DISC1: variants seen among roughly 807,000 people sequenced by gnomAD.
The protein encoded by DISC1 is DISC1 scaffold protein, also known as disrupted in schizophrenia 1 protein.
A neutral mutation model predicts 84.5 loss-of-function variants in DISC1; 57 were observed. The observed-to-expected ratio is 0.67, with a 90% CI of 0.55 to 0.84. The LOEUF is 0.84. DISC1 is among the 40% of genes least tolerant of loss of function. DISC1 has a pLI of 0.00. For missense variants in DISC1, 1,000 were observed against 1,057.8 expected, an observed-to-expected ratio of 0.95 and a Z score of 0.76; for synonymous variants, 411 against 415.2, an observed-to-expected ratio of 0.99 and a Z score of 0.12.
chr1:232,002,193 C>G (rs1418702607), intron 10 of DISC1, among the ~76,000 whole-genome samples: 16 of 151,626 alleles, frequency 1.1e-4, no homozygotes, highest in Admixed American at 1.1e-3. Flanking sequence ...ACACACCTCT[C>G]AGAATGGCAA....
intron 9 of DISC1, among the ~76,000 whole-genome samples, chr1:231,885,803 T>C (rs939628768): frequency 7.9e-5 from 12 of 152,194 alleles, no homozygotes; most frequent in African/African-American, 2.7e-4. Context: ...GAGAAAGAAC[T>C]GTGTGGAGCT....
chr1:231,801,519 G>T (rs1253086187), intron 8 of DISC1, among the ~76,000 whole-genome samples: 23 of 152,116 alleles, frequency 1.5e-4, no homozygotes, highest in Admixed American at 1.5e-3. Flanking sequence ...TTAGCTCTTT[G>T]GTCAGCTGAG....
rs1210699341 is a variant in DISC1, at chr1:231,703,937, T to TG, written c.1117+1919dup. On this transcript the variant is annotated intron_variant, in intron 3 of 12. Coordinates refer to ENST00000439617, the MANE Select transcript of DISC1 (RefSeq NM_018662.3). ...AGTTTATGCTAGTGAGCACTAGGCCTGGGGGGCAGCAGCCAGCCAAGCCCT... is the reference window on the plus strand; with the variant it reads ...AGTTTATGCTAGTGAGCACTAGGCCTGGGGGGGCAGCAGCCAGCCAAGCCCT... Among the ~76,000 whole-genome samples the TG allele has an allele frequency of 5.9e-5, 9 of 152,190 alleles. No homozygotes were observed. In the East Asian group the frequency reaches 1.7e-3, roughly 29 times the overall value.
chr1:231,982,916 T>C (rs886689872), intron 10 of DISC1, among the ~76,000 whole-genome samples: 3 of 152,122 alleles, frequency 2.0e-5, no homozygotes, highest in South Asian at 2.1e-4. Flanking sequence ...GATGGTCTAA[T>C]ACAAATAATT....
intron 1 of DISC1, among the ~76,000 whole-genome samples, chr1:231,683,787 T>C (rs2063938658): frequency 6.6e-6 from 1 of 152,012 alleles, no homozygotes; most frequent in Non-Finnish European, 1.5e-5. Flanking sequence ...GCCTTGGCCC[T>C]GTCCTCTCGG....
In DISC1 at chr1:231,832,951, A is replaced by C. The variant is rs548035240; in HGVS notation, c.1981+14434A>C. Among the ~76,000 whole-genome samples the C allele has an allele frequency of 9.9e-5, 10 of 100,722 alleles. 2 individuals carry two copies. Among genetic ancestry groups the C allele is most frequent in the East Asian group, 5.8e-4 (1 of 1,736 alleles). 66.1% of individuals were successfully genotyped at this position (100,722 alleles called of 152,430 possible). A position where few individuals can be genotyped will look rare whatever the true frequency, so the allele number is the denominator to read the frequency against. ...TTTAAAGAGTGCTGTGGGATGGGAT[A>C]TTGGCATTGAGCAGGCTAAGGGTGA... On this transcript the variant is annotated intron_variant, in intron 9 of 12. Coordinates refer to ENST00000439617, the MANE Select transcript of DISC1 (RefSeq NM_018662.3).
intron 1 of DISC1, among the ~76,000 whole-genome samples, chr1:231,651,669 G>T (rs1658455156): frequency 1.3e-5 from 2 of 152,236 alleles, no homozygotes; most frequent in Non-Finnish European, 2.9e-5. Context: ...GCTGCCTTTT[G>T]TTCAGCTATG....
chr1:231,904,311 GT>G, intron 9 of DISC1, among the ~76,000 whole-genome samples: 1 of 152,012 alleles, frequency 6.6e-6, no homozygotes, highest in East Asian at 1.9e-4. Flanking sequence ...CCTTTTTTCT[GT>G]CCCCTCCCTT....
At chr1:231,974,240 G>A (rs530109551) in intron 10 of DISC1, among the ~76,000 whole-genome samples, 1 of 152,160 alleles carries the variant, frequency 6.6e-6, no homozygotes, top group East Asian at 1.9e-4. Context: ...TCTCTCCCTG[G>A]ATGTTTAGCT....
At chr1:231,927,764 G>A (rs2090433923) in intron 9 of DISC1, among the ~76,000 whole-genome samples, 1 of 152,202 alleles carries the variant, frequency 6.6e-6, no homozygotes, top group African/African-American at 2.4e-5. Flanking sequence ...AAAGGAGATA[G>A]GCAAGGAGCC....
At chr1:231,945,412 A>C (rs932963429) in intron 9 of DISC1, among the ~76,000 whole-genome samples, 1 of 152,224 alleles carries the variant, frequency 6.6e-6, no homozygotes, top group African/African-American at 2.4e-5. Context: ...CTTTGAAACC[A>C]ATGAGAACAA....
At position 231,633,717 on chromosome 1, in the gene DISC1, C is replaced by T. The variant is rs558482984; in HGVS notation, c.67+6783C>T. ...TGAACAAATCTACCAGGAGTAGAAA[C>T]GTGCATTTGACAGGTGGCCTTGCAT... On this transcript the variant is annotated intron_variant, in intron 1 of 12. Transcript: ENST00000439617. Among the ~76,000 whole-genome samples the T allele has an allele frequency of 3.3e-5, 5 of 152,212 alleles. No homozygotes were observed. The South Asian group carries it at 1.0e-3, about 32-fold the overall frequency.
intron 9 of DISC1, among the ~76,000 whole-genome samples, chr1:231,836,006 G>A (rs960046984): frequency 4.6e-5 from 7 of 152,116 alleles, no homozygotes; most frequent in Non-Finnish European, 5.9e-5. Flanking sequence ...GGGAACTGCC[G>A]CAATTGAGAC....
At chr1:231,953,331 C>T (rs774244388) in intron 9 of DISC1, among the ~76,000 whole-genome samples, 4 of 152,118 alleles carry the variant, frequency 2.6e-5, no homozygotes, top group Admixed American at 1.3e-4. Flanking sequence ...ATTTCACTCA[C>T]GTAGGACTTC....
At chr1:231,866,842 T>C (rs1171746187) in intron 9 of DISC1, 6 of 757,468 alleles carry the variant, frequency 7.9e-6, no homozygotes, top group East Asian at 7.8e-5. Context: ...TCATTGCGGT[T>C]CTCTGAACAC....
chr1:231,641,422 T>G (rs823159), intron 1 of DISC1, among the ~76,000 whole-genome samples: 1 of 151,822 alleles, frequency 6.6e-6, no homozygotes, highest in South Asian at 2.1e-4. Flanking sequence ...CGTTCCTCCT[T>G]GTAGGTTCGT....
intron 9 of DISC1, among the ~76,000 whole-genome samples, chr1:231,868,892 GAAAAAAA>G (rs60622045): frequency 7.1e-6 from 1 of 141,124 alleles, no homozygotes; most frequent in Non-Finnish European, 1.5e-5. Flanking sequence ...CTCTAAAAAG[GAAAAAAA>G]AAAAAAAAGA....
chr1:231,854,677 T>C, intron 9 of DISC1: 1 of 175,504 alleles, frequency 5.7e-6, no homozygotes, highest in East Asian at 1.6e-4. Flanking sequence ...ACCCTGTACT[T>C]GGAGGTATGT....
chr1:231,690,968 C>A (rs2064929159), intron 1 of DISC1, among the ~76,000 whole-genome samples: 2 of 152,140 alleles, frequency 1.3e-5, no homozygotes, highest in African/African-American at 4.8e-5. Context: ...GTAAACACCT[C>A]TCTTATGTTT....
Sources: gnomAD v4.1 joint callset for allele counts (sites outside exome capture counted in the v4.1 genomes callset) on GRCh38, gnomAD v4.1.1 for gene constraint, MANE v1.5 for transcripts, NCBI Gene and HGNC (gene_info 2026-07-23, HGNC 2026-07-21) for gene names.